LIFR: variants seen among roughly 807,000 people sequenced by gnomAD.
LIFR encodes the protein LIF receptor subunit alpha, also known as leukemia inhibitory factor receptor.
In LIFR, 84 loss-of-function variants were observed where a neutral mutation model predicts 122.2. The ratio of observed to expected loss-of-function variants is 0.69; its 90% CI spans 0.58 to 0.82. The LOEUF is 0.82. Ranked by LOEUF, LIFR falls within the 40% of genes least tolerant of loss-of-function variation. LIFR has a pLI of 0.00. For synonymous variants in LIFR, 422 were observed against 434.7 expected, an observed-to-expected ratio of 0.97 and a Z score of 0.36; for missense variants, 1,294 against 1,311.6, an observed-to-expected ratio of 0.99 and a Z score of 0.21.
rs759339585 is a variant in LIFR at position 38,503,949 on chromosome 5, C to T, written c.1437+27G>A. The T allele has an allele frequency of 2.7e-6, 4 of 1,466,474 alleles. No homozygotes were observed. In the African/African-American group the frequency reaches 4.2e-5, roughly 15 times the overall value. 90.8% of individuals were successfully genotyped at this position (1,466,474 alleles called of 1,614,324 possible). Reference sequence around the variant, plus strand: ...AGAACTATTTTATCCAAAATAATCACAAAGGAAGTCTTTAAGAGAATCTTA... The same window carrying T: ...AGAACTATTTTATCCAAAATAATCATAAAGGAAGTCTTTAAGAGAATCTTA... On this transcript the variant is annotated intron_variant, in intron 10 of 19. Coordinates refer to ENST00000453190, the MANE Select transcript of LIFR (RefSeq NM_001127671.2).
At chr5:38,551,352 C>T (rs1748190538) in intron 1 of LIFR, among the ~76,000 whole-genome samples, 1 of 152,158 alleles carries the variant, frequency 6.6e-6, no homozygotes, top group Admixed American at 6.5e-5. Context: ...GGTGGCGATT[C>T]TCATCTCTCT....
At chr5:38,568,258 G>A (rs555380352) in intron 1 of LIFR, among the ~76,000 whole-genome samples, 1 of 152,328 alleles carries the variant, frequency 6.6e-6, no homozygotes, top group African/African-American at 2.4e-5. Context: ...GATAGAGAAT[G>A]ACAGGGGTTT....
chr5:38,513,140 G>T (rs1233080122), intron 5 of LIFR, among the ~76,000 whole-genome samples: 1 of 152,108 alleles, frequency 6.6e-6, no homozygotes, highest in Non-Finnish European at 1.5e-5. Flanking sequence ...AGAGTAAACA[G>T]ATTTTTTTTA....
At chr5:38,577,828 A>G (rs888331718) in intron 1 of LIFR, among the ~76,000 whole-genome samples, 1 of 152,230 alleles carries the variant, frequency 6.6e-6, no homozygotes, top group African/African-American at 2.4e-5. Context: ...GGCTTTTTGA[A>G]CAACATAGGC....
At position 38,485,905 on chromosome 5, in the gene LIFR, T is replaced by G. The variant is rs537487338; in HGVS notation, c.2411A>C (p.Lys804Thr). The change falls in exon 17 of 20, where the codon AAA (lysine) becomes ACA (threonine). Residue 804 changes from lysine (K) to threonine (T), a missense_variant. Transcript: ENST00000453190. ...TCGCAAGACCAGGTGGTAACTTGTT[T>G]TACCTTGAAGATCAGCAATTCTCAG... ...KTLRIADLQGKTSYHLVLRAY... is the reference protein window; with the variant it reads ...KTLRIADLQGTTSYHLVLRAY... The G allele has an allele frequency of 1.2e-6, 2 of 1,614,180 alleles. No homozygotes were observed. The highest frequency in any genetic ancestry group is 4.5e-5 in the East Asian group (2 of 44,884).
intron 5 of LIFR, among the ~76,000 whole-genome samples, chr5:38,514,316 C>G (rs1034142245): frequency 1.3e-5 from 2 of 151,942 alleles, no homozygotes; most frequent in Non-Finnish European, 2.9e-5. Context: ...CAATGAGTGT[C>G]CAGAAGAACA....
chr5:38,510,752 T>C (rs753856118), intron 6 of LIFR, 34 bp from the exon 7 acceptor site: 14 of 1,557,450 alleles, frequency 9.0e-6, no homozygotes, highest in Non-Finnish European at 1.2e-5. Flanking sequence ...AAACATTTTA[T>C]ATAGAAGTAT....
rs1445666709 is a variant in LIFR, at chr5:38,481,592, C to G, written c.*3G>C. ...GGCTGACTGAAGTGACACGGTGACA[C>G]TGTTAATCGTTTGGTTTGTTCTGAA... On this transcript the variant is annotated 3_prime_UTR_variant, in exon 20 of 20. Coordinates refer to ENST00000453190, the MANE Select transcript of LIFR (RefSeq NM_001127671.2). 6.2e-7 allele frequency: 1 copy of G among 1,614,132 alleles called. No homozygotes were observed. The highest frequency in any genetic ancestry group is 1.7e-5 in the Admixed American group (1 of 60,016).
At chr5:38,487,129 G>A (rs987478123) in intron 16 of LIFR, among the ~76,000 whole-genome samples, 3 of 152,178 alleles carry the variant, frequency 2.0e-5, no homozygotes, top group Admixed American at 6.6e-5. Flanking sequence ...TAGACTGGAT[G>A]CCTTCAGGGC....
intron 8 of LIFR, 139 bp downstream of exon 8, chr5:38,506,364 A>AT: frequency 1.0e-6 from 1 of 988,214 alleles, no homozygotes; most frequent in South Asian, 1.4e-5. Flanking sequence ...TGCAGTGCTT[A>AT]TAAGTGTAAT....
At chr5:38,566,730 T>A (rs1212675519) in intron 1 of LIFR, among the ~76,000 whole-genome samples, 1 of 152,174 alleles carries the variant, frequency 6.6e-6, no homozygotes, top group Admixed American at 6.5e-5. Flanking sequence ...CTGGTAACAA[T>A]ATCTTGATTG....
intron 1 of LIFR, among the ~76,000 whole-genome samples, chr5:38,547,192 C>T (rs995405731): frequency 6.6e-6 from 1 of 152,106 alleles, no homozygotes; most frequent in African/African-American, 2.4e-5. Flanking sequence ...TTGTCACCTG[C>T]AAGTCTTGTC....
Position 38,486,162 on chromosome 5 carries a change from G to A in LIFR, c.2336-182C>T, listed in dbSNP as rs1454672878. 2.0e-5 allele frequency among the ~76,000 whole-genome samples: 3 copies of A among 152,250 alleles called. No individual in the cohort carries two copies. The Middle Eastern group carries it at 0.01, about 518-fold the overall frequency. On this transcript the variant is annotated intron_variant, in intron 16 of 19. Transcript: ENST00000453190. ...CCCCACGCCAGTCATTAGCTGTGTC[G>A]TATGGGCCCCTTATTTAAACCACTC...
upstream of LIFR, among the ~76,000 whole-genome samples, chr5:38,561,261 T>C (rs1371488927): frequency 1.3e-5 from 2 of 152,056 alleles, no homozygotes; most frequent in African/African-American, 2.4e-5. Context: ...ACAGAGCTAA[T>C]TTTTTTTCTG....
Position 38,523,730 on chromosome 5 carries a change from A to C in LIFR, c.398-148T>G, listed in dbSNP as rs1471115418. 6.0e-6 allele frequency: 4 copies of C among 667,200 alleles called. No individual in the cohort carries two copies. In the African/African-American group the frequency reaches 7.3e-5, roughly 12 times the overall value. 41.3% of individuals were successfully genotyped at this position (667,200 alleles called of 1,614,324 possible). The stretch of plus-strand genomic sequence containing the variant: ...GATTTAAAAGGAAACTCTAGAACCC[A>C]GTAATAAGGACATGGACTGAGATGC... On this transcript the variant is annotated intron_variant, in intron 4 of 19. Coordinates refer to ENST00000453190, the MANE Select transcript of LIFR (RefSeq NM_001127671.2).
At position 38,511,776 on chromosome 5, in the gene LIFR, A is replaced by G. The variant is rs768087302; in HGVS notation, c.736+14T>C. On this transcript the variant is annotated intron_variant, in intron 6 of 19. Coordinates refer to ENST00000453190, the MANE Select transcript of LIFR (RefSeq NM_001127671.2). ...AATTCATCTGAAACAAACATTCTTT[A>G]AATATAAGCTTACAAGAAATGTTCT... The G allele has an allele frequency of 3.1e-6, 5 of 1,610,430 alleles. No homozygotes were observed. In the South Asian group the frequency reaches 4.4e-5, roughly 14 times the overall value.
intron 2 of LIFR, among the ~76,000 whole-genome samples, chr5:38,602,094 T>G (rs932026402): frequency 2.0e-5 from 3 of 152,226 alleles, no homozygotes; most frequent in African/African-American, 7.2e-5. Flanking sequence ...ATTTTTCACC[T>G]GGATATTCCA....
intron 1 of LIFR, among the ~76,000 whole-genome samples, chr5:38,549,816 A>C (rs2112647215): frequency 6.6e-6 from 1 of 152,288 alleles, no homozygotes. Flanking sequence ...ACTTACAAAA[A>C]TTATTTTTGC....
At chr5:38,529,873 A>C (rs1162397473) in intron 2 of LIFR, among the ~76,000 whole-genome samples, 2 of 152,220 alleles carry the variant, frequency 1.3e-5, no homozygotes, top group Non-Finnish European at 2.9e-5. Flanking sequence ...TAATCATAAT[A>C]ATAAAGTAAT....
Sources: gnomAD v4.1 joint callset for allele counts (sites outside exome capture counted in the v4.1 genomes callset) on GRCh38, gnomAD v4.1.1 for gene constraint, MANE v1.5 for transcripts, NCBI Gene and HGNC (gene_info 2026-07-23, HGNC 2026-07-21) for gene names.